Variants in LINGO2 observed in about 807,000 individuals in gnomAD.
LINGO2 encodes leucine-rich repeat and immunoglobulin-like domain-containing nogo receptor-interacting protein 2.
In LINGO2, 14 loss-of-function variants were observed where a neutral mutation model predicts 30.6. The ratio of observed to expected loss-of-function variants is 0.46; its 90% CI spans 0.30 to 0.72. The LOEUF (loss-of-function observed/expected upper bound fraction) is 0.72. Among genes scored for constraint, LINGO2 ranks in the 30% least tolerant of loss-of-function variants. The pLI is 0.07. For missense variants in LINGO2, 729 were observed against 751.7 expected, an observed-to-expected ratio of 0.97 and a Z score of 0.35; for synonymous variants, 317 against 288.5, an observed-to-expected ratio of 1.10 and a Z score of -1.00.
the LINGO2 span, among the ~76,000 whole-genome samples, chr9:28,682,307 T>C: frequency 1.3e-5 from 2 of 152,166 alleles, no homozygotes; most frequent in Admixed American, 6.5e-5. Flanking sequence ...CAGTGGTCTT[T>C]CCTGAACCTG....
intron 2 of LINGO2, among the ~76,000 whole-genome samples, chr9:28,422,301 T>G (rs1412255658): frequency 6.6e-6 from 1 of 151,994 alleles, no homozygotes; most frequent in Non-Finnish European, 1.5e-5. Flanking sequence ...ATATAAATAA[T>G]TCCTACAACT....
At chr9:28,308,086 AG>A (rs1824444912) in intron 3 of LINGO2, among the ~76,000 whole-genome samples, 2 of 145,016 alleles carry the variant, frequency 1.4e-5, no homozygotes, top group South Asian at 4.6e-4. Flanking sequence ...ACTACTTTAA[AG>A]TTCATATGGA....
chr9:28,238,961 T>G (rs1340470890), intron 4 of LINGO2, among the ~76,000 whole-genome samples: 1 of 151,762 alleles, frequency 6.6e-6, no homozygotes, highest in Non-Finnish European at 1.5e-5. Context: ...AAGGAGTAAT[T>G]ACAATGGATG....
chr9:28,592,584 T>G (rs950674270), intron 1 of LINGO2, among the ~76,000 whole-genome samples: 10 of 152,102 alleles, frequency 6.6e-5, no homozygotes, highest in African/African-American at 2.4e-4. Context: ...CAGCAAGGCA[T>G]CTACATAGTC....
chr9:28,699,070 A>C, the LINGO2 span, among the ~76,000 whole-genome samples: 1 of 151,570 alleles, frequency 6.6e-6, no homozygotes, highest in Non-Finnish European at 1.5e-5. Flanking sequence ...AACAAAACAA[A>C]ACAACAAAAA....
intron 5 of LINGO2, among the ~76,000 whole-genome samples, chr9:28,010,710 T>C (rs1822512004): frequency 6.6e-6 from 1 of 152,182 alleles, no homozygotes; most frequent in Admixed American, 6.5e-5. Context: ...CTCAGCACTT[T>C]GGGAGGCAGA....
chr9:28,673,550 C>A (rs1829100155), upstream of LINGO2, among the ~76,000 whole-genome samples: 1 of 151,820 alleles, frequency 6.6e-6, no homozygotes, highest in Non-Finnish European at 1.5e-5. Flanking sequence ...GCCTGTAATT[C>A]CAGCTACTTG....
rs201337872 is a variant in LINGO2, at chr9:28,074,135, C to T, written c.-86-61730G>A. On this transcript the variant is annotated intron_variant, in intron 4 of 5. Coordinates refer to ENST00000379992, the Ensembl canonical transcript of LINGO2. Reference sequence around the variant, plus strand: ...CAGGAATAATATTAATAATTGTTTTCATAATTAGGCAATGACAACTGCAGC... The same window carrying T: ...CAGGAATAATATTAATAATTGTTTTTATAATTAGGCAATGACAACTGCAGC... Among the ~76,000 whole-genome samples, 115 of 152,180 alleles carry T rather than the reference C, an allele frequency of 7.6e-4. 2 individuals are homozygous for T. The East Asian group carries it at 0.014, about 18-fold the overall frequency.
chr9:28,960,182 T>C, the LINGO2 span, among the ~76,000 whole-genome samples: 1 of 152,148 alleles, frequency 6.6e-6, no homozygotes, highest in African/African-American at 2.4e-5. Context: ...TTAAAAAAGA[T>C]AGCTCTCAAG....
At chr9:29,031,439 T>C in the LINGO2 span, among the ~76,000 whole-genome samples, 1 of 152,020 alleles carries the variant, frequency 6.6e-6, no homozygotes, top group Non-Finnish European at 1.5e-5. Context: ...CTTGCCACCA[T>C]GCCTGGCTAA....
the LINGO2 span, among the ~76,000 whole-genome samples, chr9:28,696,598 C>G: frequency 6.6e-6 from 1 of 151,648 alleles, no homozygotes; most frequent in Admixed American, 6.6e-5. Context: ...TTTCAATATG[C>G]TTAAACTCTA....
chr9:28,632,537 A>T (rs1024345584), intron 1 of LINGO2, among the ~76,000 whole-genome samples: 29 of 148,690 alleles, frequency 2.0e-4, no homozygotes, highest in African/African-American at 6.6e-4. Flanking sequence ...ATAATATATA[A>T]CATATATCTC....
chr9:28,195,101 G>A lies in LINGO2; in HGVS notation c.-87+100107C>T, dbSNP rs117973876. 3.1e-3 allele frequency among the ~76,000 whole-genome samples: 464 copies of A among 151,954 alleles called. 12 individuals are homozygous for A. In the South Asian group the frequency reaches 0.055, roughly 18 times the overall value. The stretch of plus-strand genomic sequence containing the variant: ...AACATTTGTTTTTTGAAATTAAGGG[G>A]AAAATACTCTATTAAGTAACTTTTA... On this transcript the variant is annotated intron_variant, in intron 4 of 5. Coordinates refer to ENST00000379992, the Ensembl canonical transcript of LINGO2.
chr9:28,838,743 T>A, the LINGO2 span, among the ~76,000 whole-genome samples: 1 of 152,142 alleles, frequency 6.6e-6, no homozygotes, highest in African/African-American at 2.4e-5. Flanking sequence ...TTTGCCTGAG[T>A]TTTGCTTGCG....
chr9:29,078,752 G>C, the LINGO2 span, among the ~76,000 whole-genome samples: 18 of 151,946 alleles, frequency 1.2e-4, no homozygotes, highest in African/African-American at 4.1e-4. Flanking sequence ...AAGCCAGGTG[G>C]ACAAAAATAG....
intron 4 of LINGO2, among the ~76,000 whole-genome samples, chr9:28,276,748 T>G (rs930430724): frequency 3.3e-5 from 5 of 152,238 alleles, no homozygotes; most frequent in Non-Finnish European, 5.9e-5. Flanking sequence ...TTCCCAAAAC[T>G]GGGCAATATT....
intron 1 of LINGO2, among the ~76,000 whole-genome samples, chr9:28,557,168 C>G (rs1406361894): frequency 6.6e-6 from 1 of 152,092 alleles, no homozygotes; most frequent in Non-Finnish European, 1.5e-5. Context: ...AACTGAAGAG[C>G]TTCTGCACAG....
intron 2 of LINGO2, among the ~76,000 whole-genome samples, chr9:28,432,655 A>G (rs903146039): frequency 4.6e-5 from 7 of 152,106 alleles, no homozygotes; most frequent in Non-Finnish European, 8.8e-5. Flanking sequence ...ATGCTTTCAG[A>G]TCTGAATTCT....
At chr9:28,869,253 A>C in the LINGO2 span, among the ~76,000 whole-genome samples, 1 of 152,134 alleles carries the variant, frequency 6.6e-6, no homozygotes, top group African/African-American at 2.4e-5. Flanking sequence ...GTCATCAGGT[A>C]AACTGACAAA....
Sources: allele counts gnomAD v4.1 joint callset (sites outside exome capture counted in the v4.1 genomes callset), GRCh38; gene constraint gnomAD v4.1.1; transcripts MANE v1.5; gene names NCBI Gene and HGNC (gene_info 2026-07-23, HGNC 2026-07-21).